Variants in ZNF69 observed in about 807,000 individuals in gnomAD.
The protein encoded by ZNF69 is ZNF3.
A neutral mutation model predicts 50.9 loss-of-function variants in ZNF69; 47 were observed. The observed-to-expected ratio is 0.92, with a 90% confidence interval of 0.73 to 1.18. ZNF69 has a LOEUF of 1.18. ZNF69 is among the 50% of genes most tolerant of loss of function. The pLI, the probability that ZNF69 is intolerant of heterozygous loss-of-function variation, is 0.00. For synonymous variants in ZNF69, 216 were observed against 223.1 expected (o/e 0.97, Z 0.29); for missense variants, 717 against 675.1 (o/e 1.06, Z -0.69).
the ZNF69 span, among the ~76,000 whole-genome samples, chr19:11,941,509 C>G: frequency 6.6e-6 from 1 of 152,204 alleles, no homozygotes; most frequent in South Asian, 2.1e-4. Flanking sequence ...ACTGGGGGAC[C>G]CAGTACACCC....
the ZNF69 span, chr19:11,949,374 A>G: frequency 4.3e-6 from 7 of 1,613,352 alleles, no homozygotes; most frequent in African/African-American, 2.7e-5. Context: ...AATGTAAGGA[A>G]TGTGGGAAAG....
downstream of ZNF69, among the ~76,000 whole-genome samples, chr19:11,910,030 G>A (rs941408703): frequency 5.3e-5 from 8 of 151,006 alleles, no homozygotes; most frequent in Non-Finnish European, 8.8e-5. Context: ...ACCAACAACA[G>A]ACAAACAGAG....
At chr19:11,907,192 T>G (rs1403157246), downstream of ZNF69, among the ~76,000 whole-genome samples, 3 of 152,200 alleles carry the variant, frequency 2.0e-5, no homozygotes, top group Non-Finnish European at 4.4e-5. Context: ...AGACCAAATC[T>G]ATGTCTGATT....
intron 4 of ZNF69, among the ~76,000 whole-genome samples, chr19:11,912,607 A>G (rs1972473447): frequency 6.6e-6 from 1 of 152,024 alleles, no homozygotes; most frequent in Non-Finnish European, 1.5e-5. Context: ...TGGGAGAGAA[A>G]CCCTATGAGT....
the ZNF69 span, among the ~76,000 whole-genome samples, chr19:11,921,714 G>C: frequency 2.0e-5 from 3 of 152,006 alleles, no homozygotes; most frequent in African/African-American, 4.8e-5. Flanking sequence ...TCTTGGCCAG[G>C]CTAGTCTTGA....
chr19:11,942,952 T>C, the ZNF69 span, among the ~76,000 whole-genome samples: 2 of 152,206 alleles, frequency 1.3e-5, no homozygotes, highest in Non-Finnish European at 2.9e-5. Flanking sequence ...GTTCTCACTT[T>C]CATCCTTACT....
At chr19:11,896,522 C>A (rs1198382491) in intron 1 of ZNF69, among the ~76,000 whole-genome samples, 1 of 152,078 alleles carries the variant, frequency 6.6e-6, no homozygotes, top group Admixed American at 6.6e-5. Flanking sequence ...CCTGGTTTTG[C>A]AGATGGTCAT....
At chr19:11,949,247 A>T in the ZNF69 span, 1 of 1,614,158 alleles carries the variant, frequency 6.2e-7, no homozygotes, top group Non-Finnish European at 8.5e-7. Flanking sequence ...TTTCGATATC[A>T]TGAAAGGATT....
chr19:11,915,518 C>T (rs1318055459), downstream of ZNF69, among the ~76,000 whole-genome samples: 3 of 152,162 alleles, frequency 2.0e-5, no homozygotes, highest in African/African-American at 7.2e-5. Flanking sequence ...GGAGCACAGG[C>T]CCAAAGGGTG....
chr19:11,893,294 C>A (rs1977140613), intron 1 of ZNF69, among the ~76,000 whole-genome samples: 1 of 152,154 alleles, frequency 6.6e-6, no homozygotes. Flanking sequence ...ACACTGCATA[C>A]AGTTCGGTCT....
rs1416018369 is a variant in ZNF69, at chr19:11,905,935, A to T, written c.1538A>T (p.Glu513Val). Residue 513 changes from glutamate (E) to valine (V), a missense_variant, in exon 4 of 4, where the codon GAA becomes GTA. Physicochemically the swap from Glu to Val is moderately radical, Grantham distance 121. Transcript: ENST00000429654. The stretch of plus-strand genomic sequence containing the variant: ...CTCTATGAATGCAAGCAATGTGGTG[A>T]AGCCTTCAGTAGTTCCAGTTCCTTT... ...EKLYECKQCG[E>V]AFSSSSSFRY... 14 of 1,614,028 alleles carry T rather than the reference A, an allele frequency of 8.7e-6. No homozygotes were observed. Among genetic ancestry groups the T allele is most frequent in the Non-Finnish European group, 1.1e-5 (13 of 1,179,976 alleles).
At chr19:11,950,575 T>G in the ZNF69 span, 1 of 531,530 alleles carries the variant, frequency 1.9e-6, no homozygotes, top group Non-Finnish European at 3.6e-6. Context: ...GCCTCGCACC[T>G]TCAACGGCAT....
the ZNF69 span, among the ~76,000 whole-genome samples, chr19:11,962,314 T>C: frequency 6.6e-6 from 1 of 152,000 alleles, no homozygotes; most frequent in Non-Finnish European, 1.5e-5. Context: ...AGAAAGATTC[T>C]TTCTTAAGGA....
rs756952349 is a variant in ZNF69, at chr19:11,905,768, G to A, written c.1371G>A (p.Lys457=). 1.2e-6 allele frequency: 2 copies of A among 1,608,042 alleles called. No homozygotes were observed. The highest frequency in any genetic ancestry group is 1.7e-6 in the Non-Finnish European group (2 of 1,178,732). Residue 457 remains lysine (K), a synonymous_variant, in exon 4 of 4, where the codon AAG becomes AAA. Transcript: ENST00000429654. The part of the protein sequence containing the change: ...QECGKAFRSM[K]NLQSHERTQT... Reference sequence around the variant, plus strand: ...GTGGGAAAGCCTTCAGATCTATGAAGAACCTTCAAAGTCATGAAAGGACAC... The same window carrying A: ...GTGGGAAAGCCTTCAGATCTATGAAAAACCTTCAAAGTCATGAAAGGACAC...
At chr19:11,930,605 T>C in the ZNF69 span, among the ~76,000 whole-genome samples, 1 of 148,740 alleles carries the variant, frequency 6.7e-6, no homozygotes, top group African/African-American at 2.6e-5. Flanking sequence ...GATTGATTAT[T>C]CTCCTGTAGA....
At chr19:11,921,175 CT>C in the ZNF69 span, among the ~76,000 whole-genome samples, 7 of 149,776 alleles carry the variant, frequency 4.7e-5, no homozygotes, top group East Asian at 2.0e-4. Flanking sequence ...TTCTTTTCTC[CT>C]TTTTTTTTTC....
rs1972137370 is a variant in ZNF69 at position 11,897,064 on chromosome 19, AG to A, written c.64-6508del. 2.0e-5 allele frequency among the ~76,000 whole-genome samples: 3 copies of A among 152,174 alleles called. No individual in the cohort carries two copies. In the South Asian group the frequency reaches 6.2e-4, roughly 32 times the overall value. On this transcript the variant is annotated intron_variant, in intron 1 of 3. Coordinates refer to ENST00000429654, the MANE Select transcript of ZNF69 (RefSeq NM_001364730.1). ...AAGAAAATTAGTTTTAATAGAAATT[AG>A]TGGCTGGGCATGGTGGCTCATGCCT... is the stretch of plus-strand genomic sequence containing the variant.
the ZNF69 span, chr19:11,976,715 A>T: frequency 3.0e-6 from 1 of 330,844 alleles, no homozygotes; most frequent in Non-Finnish European, 5.1e-6. Context: ...AAAAATACAA[A>T]ATTAGCCGGG....
the ZNF69 span, among the ~76,000 whole-genome samples, chr19:11,944,646 G>A: frequency 6.6e-6 from 1 of 152,326 alleles, no homozygotes; most frequent in African/African-American, 2.4e-5. Flanking sequence ...GTACACACAA[G>A]AACTAGTAAA....
Sources: allele counts gnomAD v4.1 joint callset (sites outside exome capture counted in the v4.1 genomes callset), GRCh38; gene constraint gnomAD v4.1.1; transcripts MANE v1.5; gene names NCBI Gene and HGNC (gene_info 2026-07-23, HGNC 2026-07-21).